NAALADL2: variants seen among roughly 807,000 people sequenced by gnomAD.
NAALADL2 encodes inactive N-acetylated-alpha-linked acidic dipeptidase-like protein 2.
NAALADL2 carries 76 observed loss-of-function variants against 87.2 expected under a neutral mutation model. The ratio of observed to expected loss-of-function variants is 0.87; its 90% CI spans 0.72 to 1.05. The LOEUF is 1.05. Ranked by LOEUF, NAALADL2 falls within the 50% of genes least tolerant of loss-of-function variation. The pLI, the probability that NAALADL2 is intolerant of heterozygous loss-of-function variation, is 0.00. For synonymous variants in NAALADL2, 354 were observed against 331.0 expected (o/e 1.07, Z -0.75); for missense variants, 1,089 against 945.8 (o/e 1.15, Z -1.99).
chr3:174,722,712 TTAAA>T (rs1424304039), intron 2 of NAALADL2, among the ~76,000 whole-genome samples: 2 of 150,596 alleles, frequency 1.3e-5, no homozygotes, highest in Non-Finnish European at 2.9e-5. Flanking sequence ...AAATAAATAA[TTAAA>T]TAAGGTAGGA....
At chr3:174,526,174 A>G (rs1720727557) in intron 1 of NAALADL2, among the ~76,000 whole-genome samples, 1 of 152,048 alleles carries the variant, frequency 6.6e-6, no homozygotes, top group African/African-American at 2.4e-5. Flanking sequence ...ATTTTTCTGT[A>G]TTCACCTCCC....
chr3:174,679,378 G>C (rs569331962), intron 2 of NAALADL2, among the ~76,000 whole-genome samples: 1 of 151,818 alleles, frequency 6.6e-6, no homozygotes, highest in African/African-American at 2.4e-5. Context: ...ATTTCTGCTT[G>C]GTCTTCTTGC....
chr3:175,400,503 C>T (rs1770425633), intron 5 of NAALADL2, among the ~76,000 whole-genome samples: 1 of 152,006 alleles, frequency 6.6e-6, no homozygotes, highest in Non-Finnish European at 1.5e-5. Context: ...CTACATATTA[C>T]AAGATCAGTA....
intron 1 of NAALADL2, among the ~76,000 whole-genome samples, chr3:174,930,731 C>G (rs1167608596): frequency 2.0e-5 from 3 of 149,194 alleles, no homozygotes; most frequent in African/African-American, 5.0e-5. Context: ...TCACCATTCT[C>G]CTGCCTCAGC....
intron 1 of NAALADL2, among the ~76,000 whole-genome samples, chr3:174,958,170 ATTAC>A (rs1405865221): frequency 6.6e-6 from 1 of 150,726 alleles, no homozygotes. Flanking sequence ...CTTTATTATA[ATTAC>A]TTATTTACAA....
At chr3:174,471,433 T>G (rs1295455439) in intron 1 of NAALADL2, among the ~76,000 whole-genome samples, 2 of 152,126 alleles carry the variant, frequency 1.3e-5, no homozygotes, top group Non-Finnish European at 2.9e-5. Context: ...CTAGAAACAG[T>G]TACTCCACAT....
intron 2 of NAALADL2, among the ~76,000 whole-genome samples, chr3:174,578,642 T>A (rs948421339): frequency 6.6e-5 from 10 of 151,986 alleles, no homozygotes; most frequent in African/African-American, 2.2e-4. Context: ...CTGAGGGAAA[T>A]TGACAACAGA....
intron 2 of NAALADL2, among the ~76,000 whole-genome samples, chr3:175,227,468 C>T (rs754692669): frequency 1.3e-5 from 2 of 152,004 alleles, no homozygotes; most frequent in East Asian, 1.9e-4. Flanking sequence ...CAGTAAAACA[C>T]TCTGTCAAAT....
At chr3:175,315,303 T>C (rs1200268824) in intron 4 of NAALADL2, among the ~76,000 whole-genome samples, 1 of 152,190 alleles carries the variant, frequency 6.6e-6, no homozygotes, top group Non-Finnish European at 1.5e-5. Flanking sequence ...TTAGTGATTC[T>C]TTGAGCTAAA....
intron 5 of NAALADL2, among the ~76,000 whole-genome samples, chr3:175,328,069 G>C (rs1344356537): frequency 6.6e-6 from 1 of 152,108 alleles, no homozygotes; most frequent in Non-Finnish European, 1.5e-5. Flanking sequence ...GAAGTATTTG[G>C]GGGTATACAT....
intron 5 of NAALADL2, among the ~76,000 whole-genome samples, chr3:175,406,802 C>T (rs1398934283): frequency 1.3e-5 from 2 of 151,984 alleles, no homozygotes; most frequent in Non-Finnish European, 2.9e-5. Context: ...ACTTCCTTCA[C>T]ATTTTGTGCA....
At chr3:175,781,655 C>CA (rs777223385) in intron 13 of NAALADL2, among the ~76,000 whole-genome samples, 11,677 of 97,470 alleles carry the variant, frequency 0.12, 635 homozygotes, top group African/African-American at 0.19. Context: ...TCATTTTTAG[C>CA]AAAAAAAAAA....
chr3:175,678,239 T>A (rs1266751434), intron 11 of NAALADL2, among the ~76,000 whole-genome samples: 1 of 152,190 alleles, frequency 6.6e-6, no homozygotes, highest in Non-Finnish European at 1.5e-5. Flanking sequence ...TATTTTGATA[T>A]CTGACAACAT....
intron 1 of NAALADL2, among the ~76,000 whole-genome samples, chr3:175,020,862 G>A (rs13325027): frequency 0.048 from 7,365 of 151,856 alleles, 415 homozygotes; most frequent in East Asian, 0.25. Context: ...TTCCTCTGCC[G>A]CTGGACTTCC....
chr3:175,345,750 G>A (rs1763088667), intron 5 of NAALADL2, among the ~76,000 whole-genome samples: 1 of 152,032 alleles, frequency 6.6e-6, no homozygotes, highest in African/African-American at 2.4e-5. Context: ...ATGGAATGGA[G>A]CCCGCAATTC....
At chr3:175,324,443 A>G (rs2110438377) in intron 5 of NAALADL2, 118 bp downstream of exon 5, 2 of 779,128 alleles carry the variant, frequency 2.6e-6, no homozygotes, top group Admixed American at 7.1e-5. Flanking sequence ...ATCCCATCTT[A>G]TTATTTTAAA....
chr3:174,826,064 C>CAA (rs1721961747), intron 3 of NAALADL2, among the ~76,000 whole-genome samples: 1 of 151,790 alleles, frequency 6.6e-6, no homozygotes, highest in African/African-American at 2.4e-5. Flanking sequence ...ACAACAACAA[C>CAA]AACAACAACA....
intron 2 of NAALADL2, among the ~76,000 whole-genome samples, chr3:175,216,625 C>CAGCA (rs1163274821): frequency 2.7e-5 from 4 of 150,488 alleles, no homozygotes; most frequent in African/African-American, 9.7e-5. Flanking sequence ...TCTCCCATTC[C>CAGCA]AGCAGATGTT....
chr3:174,556,006 TGTGCGCG>T (rs1712763366), intron 2 of NAALADL2, among the ~76,000 whole-genome samples: 3 of 136,786 alleles, frequency 2.2e-5, no homozygotes, highest in African/African-American at 9.4e-5. Flanking sequence ...TGTGTGTGTG[TGTGCGCG>T]CACGTGAGTG....
Sources: allele counts gnomAD v4.1 joint callset (sites outside exome capture counted in the v4.1 genomes callset), GRCh38; gene constraint gnomAD v4.1.1; transcripts MANE v1.5; gene names NCBI Gene and HGNC (gene_info 2026-07-23, HGNC 2026-07-21).